Variants in TNRC6A observed in about 807,000 individuals in gnomAD.
The protein encoded by TNRC6A is trinucleotide repeat-containing gene 6A protein.
A neutral mutation model predicts 221.2 loss-of-function variants in TNRC6A; 44 were observed. The observed-to-expected ratio is 0.20, with a 90% CI of 0.16 to 0.26. The LOEUF is 0.26. TNRC6A is among the 10% of genes least tolerant of loss of function. The probability of loss-of-function intolerance (pLI) is 1.00; values close to 1 mark genes in which losing one functional copy is unlikely to be tolerated. For missense variants in TNRC6A, 2,199 were observed against 2,404.4 expected (o/e 0.91, Z 1.79); for synonymous variants, 847 against 838.5 (o/e 1.01, Z -0.18).
Position 24,749,913 on chromosome 16 carries a change from G to A in TNRC6A, c.54-813G>A, listed in dbSNP as rs145208325. Among the ~76,000 whole-genome samples the A allele has an allele frequency of 3.0e-4, 45 of 152,274 alleles. No individual in the cohort carries two copies. In the East Asian group the frequency reaches 8.5e-3, roughly 29 times the overall value. On this transcript the variant is annotated intron_variant, in intron 2 of 24. Coordinates refer to ENST00000395799, the MANE Select transcript of TNRC6A (RefSeq NM_014494.4). ...CCAACACTTTGGGAGGTCAAGGTGG[G>A]CAGATCACTTGAGGTCAGGAGTTTG...
intron 23 of TNRC6A, among the ~76,000 whole-genome samples, chr16:24,822,655 C>T (rs544450191): frequency 6.6e-6 from 1 of 152,150 alleles, no homozygotes; most frequent in East Asian, 1.9e-4. Context: ...TGGGGAGTGT[C>T]CAGGAGTCTA....
chr16:24,790,951 C>T lies in TNRC6A; in HGVS notation c.2309C>T (p.Thr770Ile). The change falls in exon 6 of 25, where the codon ACT becomes ATT. Residue 770 changes from threonine (T) to isoleucine (I), a missense_variant. Thr to Ile is a moderately conservative substitution (Grantham distance 89). This residue lies in a region of TNRC6A where 1,405 missense variants were observed against 1,400.2 expected (regional missense o/e 1.00). Transcript: ENST00000395799. The stretch of plus-strand genomic sequence containing the variant: ...AACTCAGGGGCATGTATAGATAAGA[C>T]TAGCCCTAATGGTAATGATACCTCA... ...TFNSGACIDKTSPNGNDTSSV... is the reference protein window; with the variant it reads ...TFNSGACIDKISPNGNDTSSV... 6.2e-7 allele frequency: 1 copy of T among 1,612,324 alleles called. No homozygotes were observed. Among genetic ancestry groups the T allele is most frequent in the Non-Finnish European group, 8.5e-7 (1 of 1,179,150 alleles).
At chr16:24,657,481 G>A (rs565511534) in intron 2 of TNRC6A, among the ~76,000 whole-genome samples, 20 of 152,010 alleles carry the variant, frequency 1.3e-4, no homozygotes, top group Admixed American at 3.3e-4. Context: ...AGGCCGAGGC[G>A]GGTGGATCAC....
intron 1 of TNRC6A, among the ~76,000 whole-genome samples, chr16:24,617,594 T>C (rs1007808336): frequency 6.6e-6 from 1 of 152,180 alleles, no homozygotes; most frequent in Non-Finnish European, 1.5e-5. Flanking sequence ...GTCAAGTATG[T>C]TATTACTAAA....
At chr16:24,708,913 G>T (rs7189388) in intron 2 of TNRC6A, among the ~76,000 whole-genome samples, 2 of 151,956 alleles carry the variant, frequency 1.3e-5, no homozygotes. Context: ...TGGGCATTTA[G>T]GTTGGTTCCA....
In TNRC6A at chr16:24,626,754, A is replaced by T. The variant is rs572810648; in HGVS notation, n.277-14130A>T. On this transcript the variant is annotated intron_variant and non_coding_transcript_variant, in intron 1 of 2. Coordinates refer to the TNRC6A transcript ENST00000566108. ...AAGCTCCGCCTCCCGGGTTCACGCC[A>T]TTCTCTTGCCTCAGCCTCCTGAGTA... 3.5e-5 allele frequency among the ~76,000 whole-genome samples: 5 copies of T among 144,842 alleles called. No individual in the cohort carries two copies. In the East Asian group the frequency reaches 1.0e-3, roughly 30 times the overall value.
At chr16:24,625,223 T>C (rs1900894976) in intron 1 of TNRC6A, among the ~76,000 whole-genome samples, 1 of 152,196 alleles carries the variant, frequency 6.6e-6, no homozygotes, top group Non-Finnish European at 1.5e-5. Context: ...AATTGAACTG[T>C]GATGCACGAG....
chr16:24,741,385 G>C (rs1353725461), intron 2 of TNRC6A, among the ~76,000 whole-genome samples: 1 of 152,122 alleles, frequency 6.6e-6, no homozygotes, highest in Admixed American at 6.5e-5. Flanking sequence ...TGTGTCTCTT[G>C]AAATCATCAT....
Position 24,628,334 on chromosome 16 carries a change from C to T in TNRC6A, n.277-12550C>T, listed in dbSNP as rs187391378. ...ACTTGGGGGACTGAGGCAGAAGAAT[C>T]GCTTGAACCTAGGAGGCGGAGGTTG... On this transcript the variant is annotated intron_variant and non_coding_transcript_variant, in intron 1 of 2. Coordinates refer to the TNRC6A transcript ENST00000566108. Among the ~76,000 whole-genome samples, 463 of 152,026 alleles carry T rather than the reference C, an allele frequency of 3.0e-3. 4 individuals are homozygous for T. In the Middle Eastern group the frequency reaches 0.034, roughly 11 times the overall value.
chr16:24,802,306 C>T (rs1447982139), intron 11 of TNRC6A, among the ~76,000 whole-genome samples: 1 of 152,122 alleles, frequency 6.6e-6, no homozygotes, highest in Non-Finnish European at 1.5e-5. Context: ...CCCAGCACTT[C>T]AGGAGGCCGA....
chr16:24,631,940 C>G (rs1287660357), intron 1 of TNRC6A, among the ~76,000 whole-genome samples: 1 of 151,874 alleles, frequency 6.6e-6, no homozygotes, highest in Non-Finnish European at 1.5e-5. Context: ...ATCACTGCAG[C>G]CACAGCCTCC....
chr16:24,798,884 A>T (rs1192820080), intron 11 of TNRC6A, among the ~76,000 whole-genome samples: 1 of 152,204 alleles, frequency 6.6e-6, no homozygotes, highest in Non-Finnish European at 1.5e-5. Flanking sequence ...TAGCAGATAC[A>T]AGGGGAAGTA....
At chr16:24,695,792 G>C (rs2055846487) in intron 2 of TNRC6A, among the ~76,000 whole-genome samples, 1 of 152,166 alleles carries the variant, frequency 6.6e-6, no homozygotes, top group Non-Finnish European at 1.5e-5. Flanking sequence ...ACACGGGATT[G>C]AGTCTTTTCA....
chr16:24,715,215 A>C (rs1303572935), intron 2 of TNRC6A, among the ~76,000 whole-genome samples: 2 of 152,144 alleles, frequency 1.3e-5, no homozygotes, highest in Non-Finnish European at 2.9e-5. Flanking sequence ...TGAATCTTTT[A>C]GAAATCCCTT....
chr16:24,797,605 T>C (rs1161243932), intron 10 of TNRC6A, 35 bp downstream of exon 10: 3 of 1,460,840 alleles, frequency 2.1e-6, no homozygotes, highest in Non-Finnish European at 2.8e-6. Context: ...CTTCCTCTTT[T>C]AATGGTGGTC....
At position 24,729,757 on chromosome 16, in the gene TNRC6A, C is replaced by G. The variant is rs1244849881; in HGVS notation, c.-85C>G. The G allele has an allele frequency of 4.5e-6, 6 of 1,342,946 alleles. No homozygotes were observed. The highest frequency in any genetic ancestry group is 1.6e-5 in the African/African-American group (1 of 63,752). 83.2% of individuals were successfully genotyped at this position (1,342,946 alleles called of 1,614,324 possible). A position where few individuals can be genotyped will look rare whatever the true frequency, so the allele number is the denominator to read the frequency against. On this transcript the variant is annotated 5_prime_UTR_variant, in exon 1 of 25. Coordinates refer to ENST00000395799, the MANE Select transcript of TNRC6A (RefSeq NM_014494.4). ...AGAAAATGGCGCTGGTGCAGCGGCTCGGGCCTCTCCCCGCGGCGCTGCGGA... is the reference window on the plus strand; with the variant it reads ...AGAAAATGGCGCTGGTGCAGCGGCTGGGGCCTCTCCCCGCGGCGCTGCGGA...
At chr16:24,818,773 T>G in intron 21 of TNRC6A, 73 bp downstream of exon 21, 1 of 1,135,928 alleles carries the variant, frequency 8.8e-7, no homozygotes, top group Non-Finnish European at 1.3e-6. Flanking sequence ...TAATGCCCTC[T>G]TCTTTCGTCC....
At chr16:24,794,138 T>C (rs954944307) in intron 7 of TNRC6A, among the ~76,000 whole-genome samples, 1 of 152,252 alleles carries the variant, frequency 6.6e-6, no homozygotes, top group Non-Finnish European at 1.5e-5. Flanking sequence ...GAAGATAAGA[T>C]GCTTTCTGCT....
chr16:24,702,172 TTTCTTTTTTC>T (rs1412975570), intron 2 of TNRC6A, among the ~76,000 whole-genome samples: 6 of 97,992 alleles, frequency 6.1e-5, no homozygotes, highest in African/African-American at 2.1e-4. Context: ...TCTTTTCTTT[TTTCTTTTTTC>T]TTTTTTTTTT....
Sources: gnomAD v4.1 joint callset for allele counts (sites outside exome capture counted in the v4.1 genomes callset) on GRCh38, gnomAD v4.1.1 for gene constraint, gnomAD v4.1.1 regional missense constraint, MANE v1.5 for transcripts, NCBI Gene and HGNC (gene_info 2026-07-23, HGNC 2026-07-21) for gene names.